Variants in TSC22D2 observed in about 807,000 individuals in gnomAD.
The protein encoded by TSC22D2 is TSC22 domain family member 2, also known as TSC22 domain family protein 2.
TSC22D2 carries 5 observed loss-of-function variants against 50.1 expected under a neutral mutation model. That is an observed-to-expected ratio of 0.10 (90% CI 0.05 to 0.21). TSC22D2 has a LOEUF of 0.21. Ranked by LOEUF, TSC22D2 falls within the 10% of genes least tolerant of loss-of-function variation. The pLI is 1.00. For missense variants in TSC22D2, 1,003 were observed against 1,015.5 expected (o/e 0.99, Z 0.17); for synonymous variants, 501 against 450.1 (o/e 1.11, Z -1.43).
chr3:150,418,705 A>G (rs1719907414), intron 1 of TSC22D2, among the ~76,000 whole-genome samples: 1 of 152,026 alleles, frequency 6.6e-6, no homozygotes, highest in South Asian at 2.1e-4. Context: ...TAATTTGACA[A>G]GAACCAGAGT....
intron 1 of TSC22D2, among the ~76,000 whole-genome samples, chr3:150,417,268 C>T (rs2108064480): frequency 2.6e-5 from 4 of 152,150 alleles, no homozygotes; most frequent in Admixed American, 2.6e-4. Flanking sequence ...TCTTATTACA[C>T]AAGTATATAA....
intron 2 of TSC22D2, 57 bp from the exon 3 acceptor site, chr3:150,458,319 G>C (rs1025109462): frequency 1.9e-6 from 3 of 1,559,498 alleles, no homozygotes; most frequent in Non-Finnish European, 2.6e-6. Flanking sequence ...GCCAGAACCA[G>C]ATAGCACCAC....
intron 1 of TSC22D2, among the ~76,000 whole-genome samples, chr3:150,426,853 C>T (rs1410085908): frequency 1.3e-5 from 2 of 152,094 alleles, no homozygotes; most frequent in African/African-American, 4.8e-5. Context: ...TTGTTTTCTA[C>T]AGTGATTATT....
rs780409368 is a variant in TSC22D2, at chr3:150,410,423, C to A, written c.1073C>A (p.Ala358Glu). ...GCGGCGCAGCAGCCCCAGCAGTTCG[C>A]GTATCCTCAGCCTCAGATACCGCCC... ...APAAQQPQQF[A>E]YPQPQIPPGH... The change falls in exon 1 of 3, where the codon GCG becomes GAG. Residue 358 changes from alanine to glutamate, a missense_variant. By Grantham distance (107) the Ala-to-Glu change is moderately radical. This residue lies in a region of TSC22D2 where 696 missense variants were observed against 647.8 expected (regional missense o/e 1.07). Transcript: ENST00000688009. 5 of 1,609,076 alleles carry A rather than the reference C, an allele frequency of 3.1e-6. No homozygotes were observed. The highest frequency in any genetic ancestry group is 2.2e-5 in the South Asian group (2 of 90,608).
At chr3:150,454,139 A>G (rs1721121086) in intron 1 of TSC22D2, among the ~76,000 whole-genome samples, 1 of 152,194 alleles carries the variant, frequency 6.6e-6, no homozygotes, top group African/African-American at 2.4e-5. Flanking sequence ...GAAAGGATGG[A>G]GTAATTGGCT....
intron 1 of TSC22D2, among the ~76,000 whole-genome samples, chr3:150,450,456 GT>G (rs900797118): frequency 7.3e-4 from 110 of 150,814 alleles, no homozygotes; most frequent in Non-Finnish European, 1.0e-3. Flanking sequence ...GGCATTTTGG[GT>G]TTTTTTTTAA....
chr3:150,459,826 TAAA>T lies in TSC22D2; in HGVS notation c.*1208_*1210del, dbSNP rs34952294. 0.28 allele frequency: 38,104 copies of T among 138,050 alleles called. 5,431 individuals carry two copies. The highest frequency in any genetic ancestry group is 0.38 in the East Asian group (1,779 of 4,688). The allele number at this position is 138,050 out of a possible 1,614,324, so 8.6% of individuals were successfully genotyped here. ...GAGCTAGTGTACAATACACTAGTTG[TAAA>T]AAAAAAAAAAAAAAAAAGTGAGCCA... is the stretch of plus-strand genomic sequence containing the variant. On this transcript the variant is annotated 3_prime_UTR_variant, in exon 3 of 3. Transcript: ENST00000688009.
At position 150,409,764 on chromosome 3, in the gene TSC22D2, G is replaced by C. The variant is rs2108052759; in HGVS notation, c.414G>C (p.Gln138His). 6.2e-7 allele frequency: 1 copy of C among 1,601,874 alleles called. No individual in the cohort carries two copies. Among genetic ancestry groups the C allele is most frequent in the East Asian group, 2.2e-5 (1 of 44,770 alleles). ...CCCCCGGAGCACCCGGCGGCCCCCAGCTCGCGGGCTCATCCGCCGGGCCAG... is the reference window on the plus strand; with the variant it reads ...CCCCCGGAGCACCCGGCGGCCCCCACCTCGCGGGCTCATCCGCCGGGCCAG... ...APAPGAPGGP[Q>H]LAGSSAGPVT... The change falls in exon 1 of 3, where the codon CAG (glutamine) becomes CAC (histidine). Residue 138 changes from glutamine (Q) to histidine (H), a missense_variant. Around this residue, in one of 6 missense-constraint regions of TSC22D2, gnomAD observed 200 missense variants for 182.8 expected, o/e 1.09. Transcript: ENST00000688009. This position sits in a 1 kb window ranked among gnomAD's most constrained non-coding sequence, Gnocchi z 7.4.
At chr3:150,423,133 AC>A in intron 1 of TSC22D2, 1 of 1,598,170 alleles carries the variant, frequency 6.3e-7, no homozygotes, top group Non-Finnish European at 8.6e-7. Context: ...ATGAATACTT[AC>A]ATATGGAATG....
In TSC22D2 at chr3:150,410,862, C is replaced by T. The variant is rs756031158; in HGVS notation, c.1512C>T (p.Pro504=). 5.6e-6 allele frequency: 9 copies of T among 1,613,728 alleles called. No homozygotes were observed. The Admixed American group carries it at 1.2e-4, about 21-fold the overall frequency. The change falls in exon 1 of 3, where the codon CCC becomes CCT. Residue 504 remains proline, a synonymous_variant. Transcript: ENST00000688009. ...AVPGGPHAVV[P]GVPNVPAAVP... is the part of the protein sequence containing the mutation. Reference sequence around the variant, plus strand: ...CTGGTGGCCCTCACGCCGTGGTGCCCGGAGTTCCAAACGTGCCTGCAGCCG... The same window carrying T: ...CTGGTGGCCCTCACGCCGTGGTGCCTGGAGTTCCAAACGTGCCTGCAGCCG...
intron 1 of TSC22D2, 73 bp from the exon 2 acceptor site, chr3:150,457,003 C>CT: frequency 7.5e-7 from 1 of 1,341,250 alleles, no homozygotes; most frequent in South Asian, 1.2e-5. Context: ...ACACAAATGT[C>CT]TTTTACATTC....
chr3:150,420,129 T>G (rs1285695826), intron 1 of TSC22D2, among the ~76,000 whole-genome samples: 1 of 152,162 alleles, frequency 6.6e-6, no homozygotes, highest in Non-Finnish European at 1.5e-5. Flanking sequence ...GCTCTTAATC[T>G]CCTCAATTTT....
At position 150,449,215 on chromosome 3, in the gene TSC22D2, C is replaced by T. The variant is rs544391656; in HGVS notation, c.1959-7861C>T. On this transcript the variant is annotated intron_variant, in intron 1 of 2. Coordinates refer to ENST00000688009, the MANE Select transcript of TSC22D2 (RefSeq NM_001303264.2). ...AAAATAGAGTTGGCACCTCTTCCCT[C>T]CTTTCTCCCTTTCCTATTTTCTGTC... 1.1e-4 allele frequency among the ~76,000 whole-genome samples: 17 copies of T among 152,270 alleles called. 1 individual carries two copies. Among genetic ancestry groups the T allele is most frequent in the Admixed American group, 5.9e-4 (9 of 15,294 alleles).
chr3:150,421,590 G>A (rs1273067350), intron 1 of TSC22D2, among the ~76,000 whole-genome samples: 1 of 152,148 alleles, frequency 6.6e-6, no homozygotes, highest in African/African-American at 2.4e-5. Context: ...GAATAGAAAG[G>A]AGTTGAAGTA....
chr3:150,434,299 G>A (rs1468369139), intron 1 of TSC22D2, among the ~76,000 whole-genome samples: 5 of 151,716 alleles, frequency 3.3e-5, no homozygotes, highest in Middle Eastern at 3.4e-3. Context: ...CCACCACCAC[G>A]CCCTGCTAAT....
At chr3:150,436,026 A>G (rs1018184786) in intron 1 of TSC22D2, among the ~76,000 whole-genome samples, 25 of 152,096 alleles carry the variant, frequency 1.6e-4, no homozygotes, top group African/African-American at 6.0e-4. Context: ...TAGTTACCCA[A>G]TTTCATTTCA....
chr3:150,426,527 G>C (rs902875778), intron 1 of TSC22D2, among the ~76,000 whole-genome samples: 4 of 152,164 alleles, frequency 2.6e-5, no homozygotes, highest in Non-Finnish European at 2.9e-5. Context: ...GGTCACTAAA[G>C]TAAAGGAGTA....
chr3:150,419,612 A>T (rs982641431), intron 1 of TSC22D2, among the ~76,000 whole-genome samples: 3 of 152,104 alleles, frequency 2.0e-5, no homozygotes, highest in Non-Finnish European at 4.4e-5. Flanking sequence ...GTTTTGAGGT[A>T]TGGAATGTTT....
intron 1 of TSC22D2, among the ~76,000 whole-genome samples, chr3:150,424,667 AG>A (rs1387840435): frequency 2.6e-5 from 4 of 152,164 alleles, no homozygotes; most frequent in Admixed American, 2.0e-4. Flanking sequence ...AAATGAGGCA[AG>A]TTGCGTATCT....
Sources: allele counts gnomAD v4.1 joint callset (sites outside exome capture counted in the v4.1 genomes callset), GRCh38; gene constraint gnomAD v4.1.1; regional missense constraint gnomAD v4.1.1; non-coding constraint Gnocchi (gnomAD v3.1); transcripts MANE v1.5; gene names NCBI Gene and HGNC (gene_info 2026-07-23, HGNC 2026-07-21).